Variants in CADPS2 observed in about 807,000 individuals in gnomAD.
CADPS2 encodes calcium dependent secretion activator 2, also known as calcium-dependent secretion activator 2.
CADPS2 carries 93 observed loss-of-function variants against 172.5 expected under a neutral mutation model. The ratio of observed to expected loss-of-function variants is 0.54; its 90% CI spans 0.46 to 0.64. CADPS2 has a LOEUF of 0.64. Among genes scored for constraint, CADPS2 ranks in the 30% least tolerant of loss-of-function variants. The pLI is 0.00. For synonymous variants in CADPS2, 546 were observed against 555.2 expected (o/e 0.98, Z 0.23); for missense variants, 1,420 against 1,565.9 (o/e 0.91, Z 1.57).
intron 25 of CADPS2, among the ~76,000 whole-genome samples, chr7:122,370,053 T>C (rs1345824717): frequency 2.6e-5 from 4 of 151,170 alleles, no homozygotes; most frequent in Non-Finnish European, 5.9e-5. Context: ...CTGCAGTTTC[T>C]CTTACTTAAA....
chr7:122,871,600 C>T (rs1416795191), intron 1 of CADPS2, among the ~76,000 whole-genome samples: 2 of 152,100 alleles, frequency 1.3e-5, no homozygotes, highest in East Asian at 3.9e-4. Flanking sequence ...ATACAAAATA[C>T]GGTTTAGGAA....
intron 6 of CADPS2, among the ~76,000 whole-genome samples, chr7:122,592,374 T>C (rs1282924060): frequency 6.6e-6 from 1 of 152,144 alleles, no homozygotes; most frequent in East Asian, 1.9e-4. Flanking sequence ...ATAGGAATGC[T>C]TTTACACTGT....
At chr7:122,693,619 T>A (rs572089369) in intron 2 of CADPS2, among the ~76,000 whole-genome samples, 1 of 152,266 alleles carries the variant, frequency 6.6e-6, no homozygotes, top group Non-Finnish European at 1.5e-5. Context: ...GTGATTCCGA[T>A]GTGCAGCCAA....
rs112457742 is a variant in CADPS2 at position 122,465,951 on chromosome 7, A to G, written c.2186+5424T>C. On this transcript the variant is annotated intron_variant, in intron 14 of 29. Transcript: ENST00000449022. ...GTAGTGGTAAATAACACCTATGTAC[A>G]TATAGAGCTTTCTTTGATTGTTTCT... Among the ~76,000 whole-genome samples the G allele has an allele frequency of 2.7e-3, 417 of 152,330 alleles. 4 individuals carry two copies. Among genetic ancestry groups the G allele is most frequent in the Non-Finnish European group, 2.8e-3 (189 of 68,020 alleles).
chr7:122,615,677 TG>T (rs1425291526), intron 5 of CADPS2, among the ~76,000 whole-genome samples: 1 of 152,104 alleles, frequency 6.6e-6, no homozygotes, highest in Non-Finnish European at 1.5e-5. Flanking sequence ...CAGCAGTACA[TG>T]ATAAGTACCA....
chr7:122,433,469 C>G (rs1417315359), intron 17 of CADPS2, among the ~76,000 whole-genome samples: 2 of 149,594 alleles, frequency 1.3e-5, no homozygotes, highest in African/African-American at 4.9e-5. Flanking sequence ...AATGGCACCA[C>G]CTCGGCTCAC....
chr7:122,691,558 A>C (rs2084369001), intron 2 of CADPS2, among the ~76,000 whole-genome samples: 1 of 152,228 alleles, frequency 6.6e-6, no homozygotes, highest in Admixed American at 6.5e-5. Context: ...TGCCACTTCT[A>C]AATCTGCAAG....
At chr7:122,619,433 C>T (rs1023732343) in intron 5 of CADPS2, among the ~76,000 whole-genome samples, 10 of 146,310 alleles carry the variant, frequency 6.8e-5, no homozygotes, top group South Asian at 4.4e-4. Flanking sequence ...GACAACATGG[C>T]GAAACCCCAT....
At chr7:122,432,482 A>T (rs1316009449) in intron 17 of CADPS2, among the ~76,000 whole-genome samples, 1 of 151,924 alleles carries the variant, frequency 6.6e-6, no homozygotes, top group Non-Finnish European at 1.5e-5. Flanking sequence ...TCTACCAAAA[A>T]TACAAAAAAT....
intron 1 of CADPS2, among the ~76,000 whole-genome samples, chr7:122,790,155 G>C (rs1164026955): frequency 6.7e-6 from 1 of 150,134 alleles, no homozygotes; most frequent in African/African-American, 2.4e-5. Flanking sequence ...CCAGCAATTT[G>C]GTAGGCCAAG....
chr7:122,885,704 C>G lies in CADPS2; in HGVS notation c.339+295G>C, dbSNP rs188240295. The stretch of plus-strand genomic sequence containing the variant: ...GAGTTGCATTCTAATCCGGCCAGAG[C>G]TGCGCCTGCCGGGTGCAACCGCGGC... On this transcript the variant is annotated intron_variant, in intron 1 of 29. Transcript: ENST00000449022. Among the ~76,000 whole-genome samples, 146 of 152,306 alleles carry G rather than the reference C, an allele frequency of 9.6e-4. 1 individual carries two copies. The highest frequency in any genetic ancestry group is 2.5e-3 in the Admixed American group (38 of 15,312).
intron 24 of CADPS2, among the ~76,000 whole-genome samples, chr7:122,380,868 A>G (rs1285636879): frequency 6.6e-6 from 1 of 152,060 alleles, no homozygotes; most frequent in Non-Finnish European, 1.5e-5. Context: ...TAGAGAGTGG[A>G]TTTCTATTCC....
intron 8 of CADPS2, among the ~76,000 whole-genome samples, chr7:122,543,362 T>C (rs1322829870): frequency 2.0e-5 from 3 of 152,174 alleles, no homozygotes; most frequent in Non-Finnish European, 4.4e-5. Context: ...CTCTACTGTA[T>C]CTAATGCATT....
At chr7:122,772,832 C>T (rs1014241001) in intron 1 of CADPS2, among the ~76,000 whole-genome samples, 1 of 152,002 alleles carries the variant, frequency 6.6e-6, no homozygotes, top group Non-Finnish European at 1.5e-5. Context: ...ATACTTAAGC[C>T]ATATAAAGTT....
intron 8 of CADPS2, among the ~76,000 whole-genome samples, chr7:122,518,582 C>A (rs915018815): frequency 3.3e-5 from 5 of 152,082 alleles, no homozygotes; most frequent in Non-Finnish European, 5.9e-5. Context: ...AGTACCTCGG[C>A]TAGGTGTACT....
At chr7:122,716,829 G>A (rs1217958663) in intron 2 of CADPS2, among the ~76,000 whole-genome samples, 1 of 152,074 alleles carries the variant, frequency 6.6e-6, no homozygotes, top group Non-Finnish European at 1.5e-5. Context: ...TGGGAGGGGT[G>A]GGGAATGGAG....
intron 2 of CADPS2, among the ~76,000 whole-genome samples, chr7:122,722,704 A>C (rs2090586761): frequency 9.5e-6 from 1 of 105,750 alleles, no homozygotes; most frequent in South Asian, 4.2e-4. Flanking sequence ...GGAACCAAAA[A>C]AGAGCCTGCA....
chr7:122,375,352 T>C (rs1209464289), intron 25 of CADPS2, among the ~76,000 whole-genome samples: 1 of 152,088 alleles, frequency 6.6e-6, no homozygotes, highest in Non-Finnish European at 1.5e-5. Flanking sequence ...CTTTTTTAAG[T>C]AAACTTTTTA....
intron 21 of CADPS2, 26 bp downstream of exon 21, chr7:122,393,415 C>T (rs1302891393): frequency 1.1e-5 from 17 of 1,613,386 alleles, no homozygotes; most frequent in Non-Finnish European, 1.4e-5. Context: ...GGCAGGTGCT[C>T]TACGGACACT....
Sources: gnomAD v4.1 joint callset for allele counts (sites outside exome capture counted in the v4.1 genomes callset) on GRCh38, gnomAD v4.1.1 for gene constraint, MANE v1.5 for transcripts, NCBI Gene and HGNC (gene_info 2026-07-23, HGNC 2026-07-21) for gene names.